The following ADISSP variants were observed in gnomAD, a reference collection of about 807,000 sequenced individuals.
The protein encoded by ADISSP is adipose-secreted signaling protein.
chr20:3,762,283 AAAAG>A, the ADISSP span, among the ~76,000 whole-genome samples: 42 of 152,250 alleles, frequency 2.8e-4, no homozygotes, highest in East Asian at 3.3e-3. Flanking sequence ...AGAAAAAAAA[AAAAG>A]AAAGAAGAAA....
chr20:3,765,517 G>A, the ADISSP span, among the ~76,000 whole-genome samples: 1 of 152,226 alleles, frequency 6.6e-6, no homozygotes, highest in Non-Finnish European at 1.5e-5. Context: ...TGTGCCTGAA[G>A]CTCTGTGACA....
chr20:3,763,538 A>G, the ADISSP span, among the ~76,000 whole-genome samples: 14 of 146,966 alleles, frequency 9.5e-5, no homozygotes, highest in East Asian at 2.4e-3. Context: ...GCCTGGGCAA[A>G]AGGAGCAAAA....
chr20:3,753,971 C>T, the ADISSP span: 11 of 1,016,202 alleles, frequency 1.1e-5, no homozygotes, highest in African/African-American at 3.1e-5. Context: ...CAGAGAGGGG[C>T]GAGGAAGCCA....
the ADISSP span, chr20:3,753,970 G>A: frequency 3.9e-6 from 4 of 1,012,692 alleles, no homozygotes; most frequent in Non-Finnish European, 6.0e-6. Context: ...CCAGAGAGGG[G>A]CGAGGAAGCC....
the ADISSP span, among the ~76,000 whole-genome samples, chr20:3,761,339 T>G: frequency 6.3e-3 from 950 of 150,958 alleles, 39 homozygotes; most frequent in East Asian, 0.12. Context: ...GGTTTTTGTT[T>G]TTTTTTTTTT....
At chr20:3,765,442 C>T in the ADISSP span, among the ~76,000 whole-genome samples, 1 of 152,238 alleles carries the variant, frequency 6.6e-6, no homozygotes, top group South Asian at 2.1e-4. Context: ...ACTTCTCTGT[C>T]CCTGTTTCCT....
At chr20:3,759,851 C>A in the ADISSP span, among the ~76,000 whole-genome samples, 1 of 152,154 alleles carries the variant, frequency 6.6e-6, no homozygotes, top group South Asian at 2.1e-4. The surrounding 1 kb of genome is among the most constrained non-coding windows in gnomAD (Gnocchi z 4.6). Context: ...CACAGACCAG[C>A]CTAAGGAGTC....
the ADISSP span, chr20:3,754,484 CTT>C: frequency 6.2e-7 from 1 of 1,614,076 alleles, no homozygotes; most frequent in Non-Finnish European, 8.5e-7. Context: ...AGGACGCCCT[CTT>C]TGTGCGCCGA....
the ADISSP span, among the ~76,000 whole-genome samples, chr20:3,763,076 C>A: frequency 6.1e-5 from 9 of 148,002 alleles, no homozygotes; most frequent in East Asian, 4.0e-4. Flanking sequence ...GCCAACATGG[C>A]GAAACCCCAT....
the ADISSP span, chr20:3,754,205 C>G: frequency 1.9e-6 from 3 of 1,554,362 alleles, no homozygotes; most frequent in Non-Finnish European, 2.7e-6. Flanking sequence ...CCCGGCCCCA[C>G]CCATGCGGCC....
At chr20:3,766,431 T>C in the ADISSP span, among the ~76,000 whole-genome samples, 5 of 149,174 alleles carry the variant, frequency 3.4e-5, no homozygotes, top group African/African-American at 1.2e-4. Context: ...TCTCTCTCCT[T>C]CTAACAGTGA....
chr20:3,763,089 C>G, the ADISSP span, among the ~76,000 whole-genome samples: 1 of 151,716 alleles, frequency 6.6e-6, no homozygotes, highest in African/African-American at 2.4e-5. Context: ...AACCCCATCT[C>G]TACTAAAAAT....
chr20:3,763,847 C>T, the ADISSP span, among the ~76,000 whole-genome samples: 1 of 152,174 alleles, frequency 6.6e-6, no homozygotes, highest in Non-Finnish European at 1.5e-5. Flanking sequence ...TGTGGCCTCA[C>T]CTCGCTCCCC....
the ADISSP span, among the ~76,000 whole-genome samples, chr20:3,755,254 G>A: frequency 6.6e-6 from 1 of 152,162 alleles, no homozygotes; most frequent in African/African-American, 2.4e-5. Context: ...CACACCATGG[G>A]CAGGTACAGG....
the ADISSP span, chr20:3,758,564 T>C: frequency 6.2e-7 from 1 of 1,613,650 alleles, no homozygotes; most frequent in Non-Finnish European, 8.5e-7. This position sits in a 1 kb window ranked among gnomAD's most constrained non-coding sequence, Gnocchi z 5.5. Flanking sequence ...GTCACTCTCC[T>C]GGGTGACCAT....
chr20:3,754,013 C>A, the ADISSP span: 5 of 1,420,130 alleles, frequency 3.5e-6, no homozygotes, highest in Non-Finnish European at 5.0e-6. Context: ...GGGGACAAGG[C>A]GGGGTTTAAG....
At chr20:3,758,428 G>T in the ADISSP span, 1 of 987,284 alleles carries the variant, frequency 1.0e-6, no homozygotes, top group Non-Finnish European at 1.5e-6. The surrounding 1 kb of genome is among the most constrained non-coding windows in gnomAD (Gnocchi z 5.5). Flanking sequence ...ACAGGGAAAG[G>T]CACAGACATG....
chr20:3,764,501 C>T, the ADISSP span, among the ~76,000 whole-genome samples: 1 of 152,236 alleles, frequency 6.6e-6, no homozygotes, highest in East Asian at 1.9e-4. Context: ...CCCAGCCACA[C>T]CTTCGACAGG....
chr20:3,754,180 AGTGC>A, the ADISSP span: 55 of 1,595,340 alleles, frequency 3.4e-5, no homozygotes, highest in Non-Finnish European at 4.5e-5. Flanking sequence ...GGTGCAAGTC[AGTGC>A]CATGCTGGCC....
Sources: allele counts gnomAD v4.1 joint callset (sites outside exome capture counted in the v4.1 genomes callset), GRCh38; gene constraint gnomAD v4.1.1; non-coding constraint Gnocchi (gnomAD v3.1); transcripts MANE v1.5; gene names NCBI Gene and HGNC (gene_info 2026-07-23, HGNC 2026-07-21).